The following KLHL32 variants were observed in gnomAD, a reference collection of about 807,000 sequenced individuals.
KLHL32 encodes the protein kelch-like protein 32.
Under a neutral mutation model 64.8 loss-of-function variants are expected in KLHL32, and 35 were observed. That is an observed-to-expected ratio of 0.54 (90% CI 0.41 to 0.72). KLHL32 has a LOEUF of 0.72. Ranked by LOEUF, KLHL32 falls within the 30% of genes least tolerant of loss-of-function variation. The pLI is 0.00. For missense variants in KLHL32, 589 were observed against 768.5 expected (o/e 0.77, Z 2.76); for synonymous variants, 259 against 281.0 (o/e 0.92, Z 0.78).
Position 96,976,090 on chromosome 6 carries a change from C to T in KLHL32, c.117C>T (p.Gly39=), listed in dbSNP as rs1337726907. 6.2e-7 allele frequency: 1 copy of T among 1,609,168 alleles called. No individual in the cohort carries two copies. Among genetic ancestry groups the T allele is most frequent in the Admixed American group, 1.7e-5 (1 of 59,758 alleles). ...CGCTGAATCAGCAGAGGAGTGATGG[C>T]ATCCTCTGCGACATCACCCTGATTG... ...LAALNQQRSD[G]ILCDITLIAE... Residue 39 remains glycine, a synonymous_variant, in exon 3 of 11, where the codon GGC becomes GGT. Coordinates refer to ENST00000369261, the MANE Select transcript of KLHL32 (RefSeq NM_052904.4).
chr6:97,099,317 C>T (rs1795389365), intron 6 of KLHL32, among the ~76,000 whole-genome samples: 1 of 152,248 alleles, frequency 6.6e-6, no homozygotes, highest in Non-Finnish European at 1.5e-5. Context: ...TGCTACCAGG[C>T]TGGGCCTGCT....
At chr6:97,047,011 G>A (rs1786035147) in intron 4 of KLHL32, among the ~76,000 whole-genome samples, 1 of 152,204 alleles carries the variant, frequency 6.6e-6, no homozygotes, top group Non-Finnish European at 1.5e-5. Flanking sequence ...AATTGTTGCT[G>A]TCTTGGAGAG....
intron 2 of KLHL32, among the ~76,000 whole-genome samples, chr6:96,973,741 T>TTTTTTTTTTTTTTTTTTTTC (rs3032640): frequency 6.7e-6 from 1 of 149,450 alleles, no homozygotes; most frequent in Non-Finnish European, 1.5e-5. Context: ...TTTTTTTTTT[T>TTTTTTTTTTTTTTTTTTTTC]AGACAGAGTC....
intron 6 of KLHL32, among the ~76,000 whole-genome samples, chr6:97,109,369 AT>A (rs1449140096): frequency 2.6e-5 from 4 of 152,228 alleles, no homozygotes; most frequent in Non-Finnish European, 5.9e-5. Context: ...TAAGATAAAA[AT>A]ATCTCAGAAA....
chr6:97,073,334 C>G (rs948728047), intron 5 of KLHL32, among the ~76,000 whole-genome samples: 4 of 152,238 alleles, frequency 2.6e-5, no homozygotes, highest in Admixed American at 2.6e-4. Flanking sequence ...TTAGAAGCCA[C>G]AAATAATTAA....
chr6:96,948,969 CTTT>C (rs1309083490), intron 1 of KLHL32, among the ~76,000 whole-genome samples: 1 of 152,130 alleles, frequency 6.6e-6, no homozygotes, highest in Non-Finnish European at 1.5e-5. Context: ...ACTTTAGAAT[CTTT>C]TTTATTATTT....
At chr6:97,011,295 A>G (rs1233703535) in intron 3 of KLHL32, among the ~76,000 whole-genome samples, 1 of 152,206 alleles carries the variant, frequency 6.6e-6, no homozygotes, top group Non-Finnish European at 1.5e-5. Flanking sequence ...AATAGGAACC[A>G]TATCTTCATA....
rs1057203722 is a variant in KLHL32 at position 97,024,923 on chromosome 6, G to C, written c.205-16569G>C. 37 of 866,216 alleles carry C rather than the reference G, an allele frequency of 4.3e-5. No individual in the cohort carries two copies. The Admixed American group carries it at 5.6e-4, about 13-fold the overall frequency. 53.7% of individuals were successfully genotyped at this position (866,216 alleles called of 1,614,324 possible). On this transcript the variant is annotated intron_variant, in intron 3 of 10. Transcript: ENST00000369261. ...TATTTTTCTGCCATATCTTTTCTAT[G>C]CTTTTAAGATTATAACTTTTATGCT...
intron 5 of KLHL32, among the ~76,000 whole-genome samples, chr6:97,081,390 T>C (rs566188891): frequency 6.6e-6 from 1 of 152,256 alleles, no homozygotes; most frequent in African/African-American, 2.4e-5. Flanking sequence ...ATTTAGAGTA[T>C]GGGCTCTGGA....
intron 1 of KLHL32, among the ~76,000 whole-genome samples, chr6:96,959,927 C>T (rs543774967): frequency 1.3e-4 from 20 of 152,284 alleles, no homozygotes; most frequent in African/African-American, 4.8e-4. Flanking sequence ...CTCTTTAGCA[C>T]TTCAGGGTAT....
At chr6:97,112,300 G>T (rs1235980574) in intron 6 of KLHL32, among the ~76,000 whole-genome samples, 2 of 152,136 alleles carry the variant, frequency 1.3e-5, no homozygotes, top group Admixed American at 1.3e-4. Flanking sequence ...GTGCTGCTAA[G>T]AATAATTCAT....
chr6:96,910,545 G>A, the KLHL32 span, among the ~76,000 whole-genome samples: 2 of 152,074 alleles, frequency 1.3e-5, no homozygotes, highest in African/African-American at 2.4e-5. Context: ...CACTTCATAT[G>A]GTGATTTGCA....
At chr6:96,906,807 C>A in the KLHL32 span, among the ~76,000 whole-genome samples, 1 of 152,124 alleles carries the variant, frequency 6.6e-6, no homozygotes, top group East Asian at 1.9e-4. Flanking sequence ...CTTTTTAGAG[C>A]TTTTGATTCC....
intron 4 of KLHL32, among the ~76,000 whole-genome samples, chr6:97,042,740 T>C (rs1422310828): frequency 1.3e-5 from 2 of 152,216 alleles, no homozygotes; most frequent in Admixed American, 1.3e-4. Flanking sequence ...AGCTTATTCC[T>C]GCTGTCTAAC....
intron 3 of KLHL32, among the ~76,000 whole-genome samples, chr6:97,018,331 A>T (rs1451994608): frequency 1.3e-5 from 2 of 152,090 alleles, no homozygotes; most frequent in Non-Finnish European, 2.9e-5. Context: ...TAAAAATATC[A>T]ATTTGGCCAG....
chr6:97,049,265 C>T (rs1007893521), intron 4 of KLHL32, among the ~76,000 whole-genome samples: 8 of 152,206 alleles, frequency 5.3e-5, no homozygotes, highest in African/African-American at 1.9e-4. Flanking sequence ...ACCAGCATCA[C>T]TTCTCTTGTA....
At chr6:96,955,503 T>A (rs1773146973) in intron 1 of KLHL32, among the ~76,000 whole-genome samples, 2 of 152,210 alleles carry the variant, frequency 1.3e-5, no homozygotes, top group African/African-American at 2.4e-5. Flanking sequence ...AAGAGAAAGA[T>A]GAAAAAAATA....
At position 96,944,434 on chromosome 6, in the gene KLHL32, G is replaced by A. The variant is rs180698835; in HGVS notation, c.-66+19408G>A. Among the ~76,000 whole-genome samples the A allele has an allele frequency of 3.1e-3, 472 of 152,192 alleles. 2 individuals are homozygous for A. The highest frequency in any genetic ancestry group is 0.01 in the Middle Eastern group (3 of 294). On this transcript the variant is annotated intron_variant, in intron 1 of 10. Transcript: ENST00000369261. The stretch of plus-strand genomic sequence containing the variant: ...ATGGTTCTAAGGAATGCTGTTTGTG[G>A]GGAACAAATTAGTTTTATTAGATTT...
At position 97,085,351 on chromosome 6, in the gene KLHL32, C is replaced by T; in HGVS notation, c.627+10C>T. On this transcript the variant is annotated intron_variant, in intron 6 of 10. Coordinates refer to ENST00000369261, the MANE Select transcript of KLHL32 (RefSeq NM_052904.4). ...AGAGCAGATCTGGCAGGTAAGGGCGCTGTGCACGGTCGCTTTTGGCACTGA... is the reference window on the plus strand; with the variant it reads ...AGAGCAGATCTGGCAGGTAAGGGCGTTGTGCACGGTCGCTTTTGGCACTGA... 1.2e-6 allele frequency: 2 copies of T among 1,611,006 alleles called. No individual in the cohort carries two copies. The highest frequency in any genetic ancestry group is 8.5e-7 in the Non-Finnish European group (1 of 1,178,890).
Sources: allele counts gnomAD v4.1 joint callset (sites outside exome capture counted in the v4.1 genomes callset), GRCh38; gene constraint gnomAD v4.1.1; transcripts MANE v1.5; gene names NCBI Gene and HGNC (gene_info 2026-07-23, HGNC 2026-07-21).